Variants in PARVB observed in about 807,000 individuals in gnomAD.
PARVB encodes the protein parvin beta.
In PARVB, 46 loss-of-function variants were observed where a neutral mutation model predicts 47.0. That is an observed-to-expected ratio of 0.98 (90% CI 0.77 to 1.25). PARVB has a LOEUF of 1.25. Among genes scored for constraint, PARVB ranks in the 50% most tolerant of loss-of-function variants. The probability of loss-of-function intolerance (pLI) is 0.00; values close to 1 mark genes in which losing one functional copy is unlikely to be tolerated. For missense variants in PARVB, 473 were observed against 471.6 expected, an observed-to-expected ratio of 1.00 and a Z score of -0.03; for synonymous variants, 196 against 196.3, an observed-to-expected ratio of 1.00 and a Z score of 0.01.
chr22:44,117,375 C>T (rs2052932251), intron 3 of PARVB, among the ~76,000 whole-genome samples: 1 of 134,228 alleles, frequency 7.5e-6, no homozygotes, highest in Admixed American at 7.7e-5. Flanking sequence ...GTGTGGGGGT[C>T]TGTGGGCCAT....
chr22:44,001,546 C>T (rs917213750), intron 2 of PARVB, among the ~76,000 whole-genome samples: 6 of 152,074 alleles, frequency 3.9e-5, no homozygotes, highest in African/African-American at 7.2e-5. Context: ...TGTTGAATAC[C>T]GTACATGACA....
At chr22:44,111,291 C>T (rs1239742866) in intron 3 of PARVB, 1 of 152,154 alleles carries the variant, frequency 6.6e-6, no homozygotes, top group Non-Finnish European at 1.5e-5. Flanking sequence ...AAATGAGTGA[C>T]TCAAGGTCAC....
intron 11 of PARVB, among the ~76,000 whole-genome samples, chr22:44,160,978 G>A (rs892207847): frequency 5.3e-5 from 8 of 152,166 alleles, no homozygotes; most frequent in Non-Finnish European, 1.2e-4. Flanking sequence ...CACGGGAGAG[G>A]CACGTGAAAA....
chr22:44,091,240 G>A (rs1307446537), intron 1 of PARVB, among the ~76,000 whole-genome samples: 4 of 151,304 alleles, frequency 2.6e-5, no homozygotes, highest in East Asian at 3.9e-4. Context: ...AGGCTGGCTC[G>A]CGGCTGGAAT....
At chr22:44,042,161 C>T (rs2051030812) in intron 1 of PARVB, among the ~76,000 whole-genome samples, 1 of 152,182 alleles carries the variant, frequency 6.6e-6, no homozygotes, top group Non-Finnish European at 1.5e-5. Flanking sequence ...GTGGCTCATG[C>T]CTGTAATCCC....
At chr22:44,054,435 C>T (rs897002473) in intron 1 of PARVB, among the ~76,000 whole-genome samples, 1 of 152,088 alleles carries the variant, frequency 6.6e-6, no homozygotes, top group Non-Finnish European at 1.5e-5. Flanking sequence ...AGGCTGGTCT[C>T]GAACTCCTGG....
At chr22:44,036,082 C>A (rs990164896) in intron 1 of PARVB, among the ~76,000 whole-genome samples, 5 of 152,052 alleles carry the variant, frequency 3.3e-5, no homozygotes, top group African/African-American at 1.2e-4. Context: ...AATGGTGAAA[C>A]CTTGTCTCTA....
chr22:44,139,098 G>A (rs2147181641), intron 7 of PARVB: 1 of 152,370 alleles, frequency 6.6e-6, no homozygotes. Flanking sequence ...TGAGATCAGG[G>A]CCTGGCCTCG....
At chr22:44,056,506 C>T (rs1246367781) in intron 1 of PARVB, among the ~76,000 whole-genome samples, 1 of 151,958 alleles carries the variant, frequency 6.6e-6, no homozygotes, top group Non-Finnish European at 1.5e-5. Flanking sequence ...CATTTTGTCT[C>T]GTTTTGTTTT....
At chr22:44,076,793 C>T (rs1246256149) in intron 1 of PARVB, among the ~76,000 whole-genome samples, 2 of 152,010 alleles carry the variant, frequency 1.3e-5, no homozygotes, top group Non-Finnish European at 2.9e-5. Flanking sequence ...GAGGAGGTGG[C>T]CTGCCCCAAC....
At chr22:44,050,587 C>G (rs988272472) in intron 1 of PARVB, among the ~76,000 whole-genome samples, 1 of 152,106 alleles carries the variant, frequency 6.6e-6, no homozygotes, top group Non-Finnish European at 1.5e-5. Context: ...ATCCTCCCAC[C>G]TCAGCCTCCT....
rs190493263 is a variant in PARVB at position 44,040,820 on chromosome 22, G to A, written c.112+16369G>A. On this transcript the variant is annotated intron_variant, in intron 1 of 12. Coordinates refer to ENST00000338758, the MANE Select transcript of PARVB (RefSeq NM_013327.5). Reference sequence around the variant, plus strand: ...CATGAGGTCAGGAGATCGAGACCACGGTGAAACCCCGTCTCTACTAAAAAT... The same window carrying A: ...CATGAGGTCAGGAGATCGAGACCACAGTGAAACCCCGTCTCTACTAAAAAT... Among the ~76,000 whole-genome samples, 953 of 151,710 alleles carry A rather than the reference G, an allele frequency of 6.3e-3. 12 individuals carry two copies. Among genetic ancestry groups the A allele is most frequent in the African/African-American group, 0.022 (912 of 41,374 alleles).
At chr22:44,021,727 C>G (rs1049327780), upstream of PARVB, among the ~76,000 whole-genome samples, 2 of 140,536 alleles carry the variant, frequency 1.4e-5, no homozygotes, top group Non-Finnish European at 3.1e-5. Flanking sequence ...GGGCTCTAAT[C>G]CAACATGACT....
intron 1 of PARVB, among the ~76,000 whole-genome samples, chr22:44,039,466 G>A (rs1301153334): frequency 2.0e-5 from 3 of 152,002 alleles, no homozygotes; most frequent in African/African-American, 7.3e-5. Flanking sequence ...ACTTGAACCC[G>A]GGAGGTGGAG....
At chr22:44,075,036 C>T (rs2051737154) in intron 1 of PARVB, among the ~76,000 whole-genome samples, 1 of 152,222 alleles carries the variant, frequency 6.6e-6, no homozygotes, top group Admixed American at 6.5e-5. Flanking sequence ...CTGGCCTCTA[C>T]ACACGAGGTG....
At chr22:44,060,427 G>T (rs2051397866) in intron 1 of PARVB, among the ~76,000 whole-genome samples, 1 of 152,182 alleles carries the variant, frequency 6.6e-6, no homozygotes, top group African/African-American at 2.4e-5. Context: ...TGTTTGAGCA[G>T]CAGAAAGGGA....
intron 2 of PARVB, among the ~76,000 whole-genome samples, chr22:44,097,131 G>A (rs2052327235): frequency 6.6e-6 from 1 of 151,622 alleles, no homozygotes; most frequent in East Asian, 1.9e-4. Flanking sequence ...ATGGCATGGC[G>A]GCTGGTGTCT....
intron 1 of PARVB, among the ~76,000 whole-genome samples, chr22:44,032,652 G>T (rs568360633): frequency 2.6e-5 from 4 of 152,100 alleles, no homozygotes; most frequent in Admixed American, 1.3e-4. Context: ...TTGAGTGAGC[G>T]CTCAATCAGA....
At chr22:44,040,326 C>A (rs1226169565) in intron 1 of PARVB, among the ~76,000 whole-genome samples, 2 of 152,170 alleles carry the variant, frequency 1.3e-5, no homozygotes, top group Non-Finnish European at 2.9e-5. Context: ...ATATGGTAGA[C>A]TGAATAGTAG....
Sources: gnomAD v4.1 joint callset for allele counts (sites outside exome capture counted in the v4.1 genomes callset) on GRCh38, gnomAD v4.1.1 for gene constraint, MANE v1.5 for transcripts, NCBI Gene and HGNC (gene_info 2026-07-23, HGNC 2026-07-21) for gene names.